RBFOX1: variants seen among roughly 807,000 people sequenced by gnomAD.
RBFOX1 encodes the protein RNA binding protein fox-1 homolog 1.
A neutral mutation model predicts 57.7 loss-of-function variants in RBFOX1; 8 were observed. The observed-to-expected ratio is 0.14, with a 90% confidence interval of 0.08 to 0.25. RBFOX1 has a LOEUF of 0.25. RBFOX1 is among the 10% of genes least tolerant of loss of function. The pLI is 1.00. For missense variants in RBFOX1, 611 were observed against 548.5 expected, an observed-to-expected ratio of 1.11 and a Z score of -1.14; for synonymous variants, 326 against 222.4, an observed-to-expected ratio of 1.47 and a Z score of -4.15.
chr16:6,474,777 G>C (rs1378845860), intron 2 of RBFOX1, among the ~76,000 whole-genome samples: 3 of 152,158 alleles, frequency 2.0e-5, no homozygotes, highest in Non-Finnish European at 4.4e-5. Context: ...TAGAATTCTG[G>C]TTCCTTAGAT....
At chr16:6,764,332 C>G (rs1401355164) in intron 3 of RBFOX1, among the ~76,000 whole-genome samples, 2 of 152,154 alleles carry the variant, frequency 1.3e-5, no homozygotes, top group Non-Finnish European at 1.5e-5. Context: ...ATGGCCCACC[C>G]TTTTAAAGGG....
intron 2 of RBFOX1, among the ~76,000 whole-genome samples, chr16:6,543,198 G>A (rs954614518): frequency 6.6e-6 from 1 of 152,174 alleles, no homozygotes; most frequent in Non-Finnish European, 1.5e-5. Flanking sequence ...CAGGAGGGAA[G>A]AGGATGCACT....
intron 2 of RBFOX1, among the ~76,000 whole-genome samples, chr16:6,587,359 G>A (rs964584795): frequency 2.6e-5 from 4 of 152,058 alleles, no homozygotes; most frequent in Admixed American, 1.3e-4. Context: ...CTAGCTCACA[G>A]CAAACTTCGC....
chr16:6,605,644 C>T (rs967126076), intron 2 of RBFOX1, among the ~76,000 whole-genome samples: 1 of 152,178 alleles, frequency 6.6e-6, no homozygotes, highest in Non-Finnish European at 1.5e-5. Context: ...AATACTCGTT[C>T]ATTGTTCCAG....
intron 4 of RBFOX1, among the ~76,000 whole-genome samples, chr16:5,944,978 A>AAAAC (rs1393857524): frequency 2.2e-5 from 3 of 134,152 alleles, no homozygotes; most frequent in African/African-American, 8.6e-5. Context: ...AAAAAAAAAA[A>AAAAC]AAAAAAAAAA....
chr16:6,727,000 A>C (rs1430907056), intron 3 of RBFOX1, among the ~76,000 whole-genome samples: 1 of 148,506 alleles, frequency 6.7e-6, no homozygotes, highest in African/African-American at 2.5e-5. Context: ...GACCCAGAGA[A>C]ATAATGACAT....
intron 3 of RBFOX1, among the ~76,000 whole-genome samples, chr16:5,648,597 C>T (rs984497169): frequency 2.0e-5 from 3 of 151,956 alleles, no homozygotes; most frequent in Non-Finnish European, 4.4e-5. Context: ...CAGGACATCT[C>T]CCACCACCAA....
chr16:5,572,340 C>G (rs945497991), intron 2 of RBFOX1, among the ~76,000 whole-genome samples: 1 of 152,094 alleles, frequency 6.6e-6, no homozygotes, highest in Non-Finnish European at 1.5e-5. Context: ...GGCAGTGAGT[C>G]CATGGCAATG....
chr16:6,563,414 TC>T (rs1034654284), intron 2 of RBFOX1, among the ~76,000 whole-genome samples: 1 of 152,112 alleles, frequency 6.6e-6, no homozygotes, highest in Non-Finnish European at 1.5e-5. Flanking sequence ...GAAACTGGGA[TC>T]CCCCCTAGAT....
intron 2 of RBFOX1, among the ~76,000 whole-genome samples, chr16:6,430,898 A>C (rs766838011): frequency 4.7e-5 from 7 of 148,562 alleles, no homozygotes; most frequent in Non-Finnish European, 8.9e-5. Flanking sequence ...TGGGAGGCTG[A>C]GATAGGAGGG....
At chr16:6,274,507 A>G (rs1463187955) in intron 1 of RBFOX1, among the ~76,000 whole-genome samples, 1 of 152,200 alleles carries the variant, frequency 6.6e-6, no homozygotes, top group East Asian at 1.9e-4. Context: ...AGAACAGATT[A>G]GTCATTGCCA....
intron 3 of RBFOX1, among the ~76,000 whole-genome samples, chr16:7,023,361 G>C (rs1380866457): frequency 6.6e-6 from 1 of 151,562 alleles, no homozygotes; most frequent in Non-Finnish European, 1.5e-5. Context: ...TTGGGAGGCT[G>C]AGACAGGAGA....
At chr16:7,104,810 C>T (rs768980848) in intron 4 of RBFOX1, among the ~76,000 whole-genome samples, 20 of 152,090 alleles carry the variant, frequency 1.3e-4, no homozygotes, top group Non-Finnish European at 2.1e-4. Context: ...ATAACCAACA[C>T]AAAGAGGCTC....
rs9635558 is a variant in RBFOX1, at chr16:6,927,693, G to C, written c.-15-124364G>C. Among the ~76,000 whole-genome samples, 24 of 150,670 alleles carry C rather than the reference G, an allele frequency of 1.6e-4. No homozygotes were observed. The East Asian group carries it at 3.3e-3, about 21-fold the overall frequency. ...TCACCTGCTGCCCTTTGGGGGAGCA[G>C]ATTTTAGGGCACTGTAGCAAGGCTG... On this transcript the variant is annotated intron_variant, in intron 3 of 15. Coordinates refer to ENST00000550418, the MANE Select transcript of RBFOX1 (RefSeq NM_018723.4).
chr16:6,619,141 A>G (rs1044766215), intron 2 of RBFOX1, among the ~76,000 whole-genome samples: 9 of 151,168 alleles, frequency 6.0e-5, no homozygotes, highest in Non-Finnish European at 1.2e-4. Context: ...TTCGCTACAG[A>G]CCGCTGACAT....
rs1381318381 is a variant in RBFOX1 at position 6,773,884 on chromosome 16, G to A, written c.-16+119234G>A. 6 of 900,520 alleles carry A rather than the reference G, an allele frequency of 6.7e-6. No homozygotes were observed. The East Asian group carries it at 3.6e-4, about 54-fold the overall frequency. The allele number at this position is 900,520 out of a possible 1,614,324, so 55.8% of individuals were successfully genotyped here. ...GGATGTAGGGTGCGTTTGTCTGTGTGTATTTGTGTGGGCATGGAGTGCATT... is the reference window on the plus strand; with the variant it reads ...GGATGTAGGGTGCGTTTGTCTGTGTATATTTGTGTGGGCATGGAGTGCATT... On this transcript the variant is annotated intron_variant, in intron 3 of 15. Coordinates refer to ENST00000550418, the MANE Select transcript of RBFOX1 (RefSeq NM_018723.4).
At chr16:7,071,324 T>C (rs1397676690) in intron 4 of RBFOX1, among the ~76,000 whole-genome samples, 6 of 152,214 alleles carry the variant, frequency 3.9e-5, no homozygotes, top group East Asian at 3.9e-4. Flanking sequence ...TATGTAATTA[T>C]AATGCCAGGA....
At position 6,429,016 on chromosome 16, in the gene RBFOX1, G is replaced by GCACCTGCTCTGACATT. The variant is rs553213189; in HGVS notation, c.-64+111970_-64+111971insACATTCACCTGCTCTG. Among the ~76,000 whole-genome samples the GCACCTGCTCTGACATT allele has an allele frequency of 1.6e-3, 246 of 152,334 alleles. 3 individuals are homozygous for GCACCTGCTCTGACATT. Among genetic ancestry groups the GCACCTGCTCTGACATT allele is most frequent in the African/African-American group, 5.7e-3 (239 of 41,590 alleles). ...CTGGGAGGTGCACATTCGGTGACAT[G>GCACCTGCTCTGACATT]CACCTGCTCTGTGCTGTTTCCTGGA... is the stretch of plus-strand genomic sequence containing the variant. On this transcript the variant is annotated intron_variant, in intron 2 of 15. Coordinates refer to ENST00000550418, the MANE Select transcript of RBFOX1 (RefSeq NM_018723.4).
At position 5,504,343 on chromosome 16, in the gene RBFOX1, G is replaced by A. The variant is rs1466696235; in HGVS notation, c.258+37089G>A. Among the ~76,000 whole-genome samples, 5 of 152,212 alleles carry A rather than the reference G, an allele frequency of 3.3e-5. No homozygotes were observed. The East Asian group carries it at 7.7e-4, about 23-fold the overall frequency. ...AGGAGCCTGCTGGGCCTCGGACTTG[G>A]CTCTGCAACGCTTGCCCAGCCTGGC... On this transcript the variant is annotated intron_variant, in intron 2 of 2. Coordinates refer to the RBFOX1 transcript ENST00000585867.
Sources: gnomAD v4.1 joint callset for allele counts (sites outside exome capture counted in the v4.1 genomes callset) on GRCh38, gnomAD v4.1.1 for gene constraint, MANE v1.5 for transcripts, NCBI Gene and HGNC (gene_info 2026-07-23, HGNC 2026-07-21) for gene names.